Variants in ITSN1 observed in about 807,000 individuals in gnomAD.
The protein encoded by ITSN1 is intersectin 1.
A neutral mutation model predicts 239.8 loss-of-function variants in ITSN1; 58 were observed. That is an observed-to-expected ratio of 0.24 (90% CI 0.20 to 0.30). The LOEUF is 0.30. Among genes scored for constraint, ITSN1 ranks in the 10% least tolerant of loss-of-function variants. The probability of loss-of-function intolerance (pLI) is 1.00; values close to 1 mark genes in which losing one functional copy is unlikely to be tolerated. For synonymous variants in ITSN1, 780 were observed against 770.8 expected, an observed-to-expected ratio of 1.01 and a Z score of -0.20; for missense variants, 1,558 against 2,103.3, an observed-to-expected ratio of 0.74 and a Z score of 5.07.
chr21:33,883,770 G>T, intron 36 of ITSN1, 99 bp downstream of exon 36: 1 of 1,429,664 alleles, frequency 7.0e-7, no homozygotes. Flanking sequence ...TTCCCAAGTG[G>T]CAATGCCATC....
chr21:33,759,852 C>T (rs1326035907), intron 8 of ITSN1, among the ~76,000 whole-genome samples: 1 of 152,140 alleles, frequency 6.6e-6, no homozygotes, highest in Non-Finnish European at 1.5e-5. Flanking sequence ...GTAATCCCAG[C>T]ACTTTGGGAG....
rs1461691908 is a variant in ITSN1, at chr21:33,818,296, A to G, written c.2757A>G (p.Gln919=). Reference sequence around the variant, plus strand: ...AAAAGGTGGAGGGGCTACAAGCTCAAGCCCTATATCCTTGGAGAGCCAAAA... The same window carrying G: ...AAAAGGTGGAGGGGCTACAAGCTCAGGCCCTATATCCTTGGAGAGCCAAAA... The part of the protein sequence containing the change: ...QGEKVEGLQA[Q]ALYPWRAKKD... Residue 919 remains glutamine, a synonymous_variant, in exon 23 of 40, where the codon CAA becomes CAG. Transcript: ENST00000381318. The G allele has an allele frequency of 1.2e-6, 2 of 1,614,108 alleles. No homozygotes were observed. Among genetic ancestry groups the G allele is most frequent in the Admixed American group, 1.7e-5 (1 of 60,004 alleles).
At chr21:33,647,817 C>A (rs924753995) in intron 1 of ITSN1, among the ~76,000 whole-genome samples, 5 of 152,146 alleles carry the variant, frequency 3.3e-5, no homozygotes, top group African/African-American at 1.2e-4. Context: ...GTGGTTTAGC[C>A]AATTTATTTT....
chr21:33,772,453 T>G (rs2069240633), intron 12 of ITSN1, 130 bp downstream of exon 12: 1 of 1,149,532 alleles, frequency 8.7e-7, no homozygotes, highest in African/African-American at 1.6e-5. Flanking sequence ...CCCAAAGTTG[T>G]GCAACCATCG....
intron 33 of ITSN1, among the ~76,000 whole-genome samples, chr21:33,873,773 G>A (rs1181770851): frequency 6.6e-6 from 1 of 152,200 alleles, no homozygotes; most frequent in Non-Finnish European, 1.5e-5. Flanking sequence ...TCAGGAAGCT[G>A]TGGCAGGAGG....
chr21:33,712,613 A>C (rs1287930337), intron 1 of ITSN1, among the ~76,000 whole-genome samples: 1 of 152,122 alleles, frequency 6.6e-6, no homozygotes, highest in Non-Finnish European at 1.5e-5. Context: ...TTAACCACAA[A>C]GACCGTGTTT....
chr21:33,876,998 T>G (rs1193248159), intron 34 of ITSN1, among the ~76,000 whole-genome samples: 1 of 151,918 alleles, frequency 6.6e-6, no homozygotes, highest in African/African-American at 2.4e-5. Flanking sequence ...ACTACCTTGT[T>G]TCTTGTATTA....
chr21:33,666,982 G>GT (rs1305416379), intron 1 of ITSN1, among the ~76,000 whole-genome samples: 3 of 152,034 alleles, frequency 2.0e-5, no homozygotes, highest in African/African-American at 4.8e-5. Context: ...ATGCCCGCTA[G>GT]TTTTTTTATT....
rs1177398218 is a variant in ITSN1, at chr21:33,891,602, T to G, written c.*3302T>G. On this transcript the variant is annotated 3_prime_UTR_variant, in exon 40 of 40. Coordinates refer to ENST00000381318, the MANE Select transcript of ITSN1 (RefSeq NM_003024.3). ...GCTAGCGCCAGCAGGGAAGGACACT[T>G]GCAGGTCTGCCTTCCAAGGCTAAGC... The G allele has an allele frequency of 6.6e-6, 1 of 152,144 alleles. No individual in the cohort carries two copies. Among genetic ancestry groups the G allele is most frequent in the Admixed American group, 6.5e-5 (1 of 15,280 alleles). 9.4% of individuals were successfully genotyped at this position (152,144 alleles called of 1,614,324 possible).
chr21:33,873,898 C>A (rs369570045), intron 33 of ITSN1, among the ~76,000 whole-genome samples: 1 of 151,262 alleles, frequency 6.6e-6, no homozygotes, highest in African/African-American at 2.4e-5. Flanking sequence ...CGGTGGCTCG[C>A]GCCTGTAATC....
intron 28 of ITSN1, among the ~76,000 whole-genome samples, chr21:33,835,493 T>C (rs552621188): frequency 2.0e-5 from 3 of 152,312 alleles, no homozygotes; most frequent in African/African-American, 7.2e-5. Flanking sequence ...TCATCTGAAG[T>C]AGAAGTGCCA....
chr21:33,794,404 C>G lies in ITSN1; in HGVS notation c.1888C>G (p.Leu630Val), dbSNP rs2071378273. Residue 630 changes from leucine (L) to valine (V), a missense_variant, in exon 17 of 40, where the codon CTG (leucine) becomes GTG (valine). Leu to Val is a conservative substitution (Grantham distance 32). Around this residue, in one of 2 missense-constraint regions of ITSN1, gnomAD observed 982 missense variants for 1,209.9 expected, o/e 0.81. Transcript: ENST00000381318. ...GCAAAAGTCCATGGAGGCTGAACGA[C>G]TGAAACAGAAAGAACAAGAACGAAA... ...QKQKSMEAER[L>V]KQKEQERKII... 12 of 1,613,750 alleles carry G rather than the reference C, an allele frequency of 7.4e-6. No homozygotes were observed. The highest frequency in any genetic ancestry group is 1.0e-5 in the Non-Finnish European group (12 of 1,179,866).
In ITSN1 at chr21:33,894,434, C is replaced by G. The variant is rs549401414; in HGVS notation, c.*6134C>G. The G allele has an allele frequency of 6.6e-6, 1 of 151,894 alleles. No individual in the cohort carries two copies. Among genetic ancestry groups the G allele is most frequent in the African/African-American group, 2.4e-5 (1 of 41,382 alleles). 9.4% of individuals were successfully genotyped at this position (151,894 alleles called of 1,614,324 possible). On this transcript the variant is annotated 3_prime_UTR_variant, in exon 40 of 40. Transcript: ENST00000381318. ...AGTTGTGTTTTAATAGGATTCTGTT[C>G]GATTTTCTATACCAGCCTATATTGT...
rs1479033943 is a variant in ITSN1 at position 33,797,573 on chromosome 21, C to T, written c.2147C>T (p.Ala716Val). ...CTTTTCCATCAACACCAAGAACCAG[C>T]TAAGCCAGCTGTCCAGGCACCCTGG... The part of the protein sequence containing the change: ...GRLFHQHQEP[A>V]KPAVQAPWST... The change falls in exon 18 of 40, where the codon GCT becomes GTT. Residue 716 changes from alanine to valine, a missense_variant. Coordinates refer to ENST00000381318, the MANE Select transcript of ITSN1 (RefSeq NM_003024.3). The surrounding 1 kb of genome is among the most constrained non-coding windows in gnomAD (Gnocchi z 4.9). 1 of 1,614,064 alleles carries T rather than the reference C, an allele frequency of 6.2e-7. No individual in the cohort carries two copies. The highest frequency in any genetic ancestry group is 1.7e-5 in the Admixed American group (1 of 60,012).
chr21:33,658,211 A>G (rs987563940), intron 1 of ITSN1, among the ~76,000 whole-genome samples: 1 of 152,226 alleles, frequency 6.6e-6, no homozygotes, highest in Admixed American at 6.5e-5. Context: ...GTGGGTCATC[A>G]TAACATTCTT....
chr21:33,716,015 A>G (rs573746367), intron 1 of ITSN1, among the ~76,000 whole-genome samples: 1 of 152,348 alleles, frequency 6.6e-6, no homozygotes, highest in East Asian at 1.9e-4. Context: ...GATTTTAACA[A>G]TTTTTCAAAA....
intron 9 of ITSN1, 144 bp from the exon 10 acceptor site, chr21:33,765,731 T>C (rs1056347848): frequency 2.8e-6 from 2 of 713,252 alleles, no homozygotes; most frequent in Non-Finnish European, 4.7e-6. Context: ...CAGTATAAAA[T>C]AGGTACTATT....
intron 33 of ITSN1, among the ~76,000 whole-genome samples, chr21:33,867,814 G>A (rs1981894944): frequency 6.6e-6 from 1 of 151,884 alleles, no homozygotes; most frequent in African/African-American, 2.4e-5. Context: ...TCTTCCTTCT[G>A]GTGGGTTCGT....
At position 33,843,683 on chromosome 21, in the gene ITSN1, A is replaced by G. The variant is rs372947065; in HGVS notation, c.3661+7051A>G. ...TATAGGAAGATAGTGATTCAGACGGAGCATCCACATAACTGCATCTGGGGA... is the reference window on the plus strand; with the variant it reads ...TATAGGAAGATAGTGATTCAGACGGGGCATCCACATAACTGCATCTGGGGA... On this transcript the variant is annotated intron_variant, in intron 29 of 39. Transcript: ENST00000381318. 1.3e-4 allele frequency among the ~76,000 whole-genome samples: 20 copies of G among 152,312 alleles called. 3 individuals are homozygous for G. In the South Asian group the frequency reaches 4.1e-3, roughly 32 times the overall value.
Sources: allele counts gnomAD v4.1 joint callset (sites outside exome capture counted in the v4.1 genomes callset), GRCh38; gene constraint gnomAD v4.1.1; regional missense constraint gnomAD v4.1.1; non-coding constraint Gnocchi (gnomAD v3.1); transcripts MANE v1.5; gene names NCBI Gene and HGNC (gene_info 2026-07-23, HGNC 2026-07-21).